Variants in CXADR observed in about 807,000 individuals in gnomAD.
The protein encoded by CXADR is CXADR cell adhesion molecule.
In CXADR, 20 loss-of-function variants were observed where a neutral mutation model predicts 40.3. The observed-to-expected ratio is 0.50, with a 90% CI of 0.35 to 0.72. The LOEUF (loss-of-function observed/expected upper bound fraction) is 0.72. Among genes scored for constraint, CXADR ranks in the 30% least tolerant of loss-of-function variants. The pLI is 0.01. For synonymous variants in CXADR, 150 were observed against 161.3 expected, an observed-to-expected ratio of 0.93 and a Z score of 0.53; for missense variants, 332 against 449.1, an observed-to-expected ratio of 0.74 and a Z score of 2.36.
At chr21:17,604,745 A>C in the CXADR span, 1 of 1,277,046 alleles carries the variant, frequency 7.8e-7, no homozygotes, top group Non-Finnish European at 1.1e-6. Flanking sequence ...CATCTGAGAG[A>C]GTTAAACCAC....
At chr21:17,571,641 A>G (rs1444784413), downstream of CXADR, among the ~76,000 whole-genome samples, 5 of 152,208 alleles carry the variant, frequency 3.3e-5, no homozygotes, top group African/African-American at 1.2e-4. Context: ...ACTCCAAGAA[A>G]CTAAGCTCAG....
chr21:17,579,086 A>G (rs1197865858), intron 7 of CXADR, among the ~76,000 whole-genome samples: 1 of 152,128 alleles, frequency 6.6e-6, no homozygotes, highest in Non-Finnish European at 1.5e-5. Context: ...AGTAACTAGA[A>G]GCAGGGCAAA....
At chr21:17,518,713 G>A (rs955866007) in intron 1 of CXADR, 57 of 1,606,836 alleles carry the variant, frequency 3.5e-5, no homozygotes, top group Non-Finnish European at 3.0e-5. Context: ...TATCATTTCT[G>A]TGATTGGTTT....
At chr21:17,545,358 G>A (rs1288792319) in intron 1 of CXADR, among the ~76,000 whole-genome samples, 1 of 152,060 alleles carries the variant, frequency 6.6e-6, no homozygotes, top group Non-Finnish European at 1.5e-5. Flanking sequence ...CTAGTGCTAT[G>A]CATACTTTTA....
chr21:17,518,543 C>T (rs565975374), intron 1 of CXADR: 1 of 1,020,446 alleles, frequency 9.8e-7, no homozygotes, highest in Non-Finnish European at 1.6e-6. Context: ...TTCTTTGATG[C>T]CTCATCAAAA....
intron 7 of CXADR, among the ~76,000 whole-genome samples, chr21:17,579,895 A>C (rs1364928850): frequency 6.6e-6 from 1 of 151,522 alleles, no homozygotes; most frequent in Non-Finnish European, 1.5e-5. Flanking sequence ...AAAAAAAAAA[A>C]CAACCTTTCC....
chr21:17,585,355 G>C (rs377226550), intron 7 of CXADR, among the ~76,000 whole-genome samples: 1 of 152,018 alleles, frequency 6.6e-6, no homozygotes, highest in Admixed American at 6.6e-5. Context: ...AAACAATGGC[G>C]TAAGAAAACA....
Position 17,581,937 on chromosome 21 carries a change from GTTTGTTTGT to G in CXADR, c.1018-11201_1018-11193del, listed in dbSNP as rs1569156147. Among the ~76,000 whole-genome samples, 152 of 143,464 alleles carry G rather than the reference GTTTGTTTGT, an allele frequency of 1.1e-3. No homozygotes were observed. The East Asian group carries it at 0.011, about 10-fold the overall frequency. The allele number at this position is 143,464 out of a possible 152,430, so 94.1% of individuals were successfully genotyped here. A position where few individuals can be genotyped will look rare whatever the true frequency, so the allele number is the denominator to read the frequency against. On this transcript the variant is annotated intron_variant, in intron 7 of 7. Transcript: ENST00000400169. Reference sequence around the variant, plus strand: ...TTGGGAGGAGTTTGTTTGTTTGTTTGTTTGTTTGTTTTGTTTGTTTTGACGGCGTTTCAC... The same window carrying G: ...TTGGGAGGAGTTTGTTTGTTTGTTTGTTTGTTTGTTTTGACGGCGTTTCAC...
intron 1 of CXADR, among the ~76,000 whole-genome samples, chr21:17,528,927 G>A (rs1455262808): frequency 6.6e-6 from 1 of 152,034 alleles, no homozygotes; most frequent in Non-Finnish European, 1.5e-5. Context: ...TCCTGATGTG[G>A]ATCAGTTCTC....
intron 3 of CXADR, among the ~76,000 whole-genome samples, chr21:17,556,841 A>G (rs2824356): frequency 0.21 from 31,256 of 152,132 alleles, 6,700 homozygotes; most frequent in African/African-American, 0.54. Context: ...TTACTAAGAA[A>G]GAGTAAGGTC....
chr21:17,601,293 A>T, the CXADR span, among the ~76,000 whole-genome samples: 1 of 152,150 alleles, frequency 6.6e-6, no homozygotes, highest in Non-Finnish European at 1.5e-5. Flanking sequence ...AGTTTCCTAT[A>T]TGCTGGACGA....
chr21:17,595,770 C>T (rs568825419), downstream of CXADR, among the ~76,000 whole-genome samples: 16 of 152,022 alleles, frequency 1.1e-4, no homozygotes, highest in African/African-American at 3.6e-4. Flanking sequence ...GCTTTATAGG[C>T]ATATTTTCGT....
At position 17,513,109 on chromosome 21, in the gene CXADR, G is replaced by A. The variant is rs1447062392; in HGVS notation, c.-21G>A. The A allele has an allele frequency of 7.4e-7, 1 of 1,347,702 alleles. No individual in the cohort carries two copies. The highest frequency in any genetic ancestry group is 3.1e-5 in the East Asian group (1 of 32,520). The allele number at this position is 1,347,702 out of a possible 1,614,324, so 83.5% of individuals were successfully genotyped here. On this transcript the variant is annotated 5_prime_UTR_variant, in exon 1 of 7. Coordinates refer to ENST00000284878, the MANE Select transcript of CXADR (RefSeq NM_001338.5). Reference sequence around the variant, plus strand: ...CGAGAGCCGCCTACCTGCAGCCGCCGCCCACGGCACGGCAGCCACCATGGC... The same window carrying A: ...CGAGAGCCGCCTACCTGCAGCCGCCACCCACGGCACGGCAGCCACCATGGC...
chr21:17,627,296 C>T, the CXADR span, among the ~76,000 whole-genome samples: 108 of 152,242 alleles, frequency 7.1e-4, 2 homozygotes, highest in South Asian at 0.021. Context: ...GCGGAGGTTG[C>T]GGTGAGCCGA....
At chr21:17,587,188 G>A (rs569668443) in intron 7 of CXADR, among the ~76,000 whole-genome samples, 19 of 152,166 alleles carry the variant, frequency 1.2e-4, no homozygotes, top group South Asian at 1.0e-3. Context: ...GAATAGTGCC[G>A]CAATAAACCT....
At chr21:17,634,041 T>C in the CXADR span, among the ~76,000 whole-genome samples, 66,352 of 152,078 alleles carry the variant, frequency 0.44, 14,825 homozygotes, top group African/African-American at 0.51. Context: ...TGAGACTAGC[T>C]CTGAAGTTTT....
the CXADR span, among the ~76,000 whole-genome samples, chr21:17,627,710 A>C: frequency 6.6e-6 from 1 of 152,220 alleles, no homozygotes; most frequent in Non-Finnish European, 1.5e-5. Context: ...TTTTGAGACA[A>C]GATAAAAGCA....
chr21:17,611,505 C>T, the CXADR span, among the ~76,000 whole-genome samples: 2 of 152,070 alleles, frequency 1.3e-5, no homozygotes, highest in African/African-American at 4.8e-5. Flanking sequence ...AATGATAGCT[C>T]GAACAGCTGA....
At chr21:17,531,648 T>C (rs916446082) in intron 1 of CXADR, among the ~76,000 whole-genome samples, 4 of 152,204 alleles carry the variant, frequency 2.6e-5, no homozygotes, top group African/African-American at 9.6e-5. Flanking sequence ...TTCAGCCTCT[T>C]GTATTTTAAG....
Sources: allele counts gnomAD v4.1 joint callset (sites outside exome capture counted in the v4.1 genomes callset), GRCh38; gene constraint gnomAD v4.1.1; transcripts MANE v1.5; gene names NCBI Gene and HGNC (gene_info 2026-07-23, HGNC 2026-07-21).